APBA1: variants seen among roughly 807,000 people sequenced by gnomAD.
APBA1 encodes the protein amyloid-beta A4 precursor protein-binding family A member 1.
In APBA1, 55 loss-of-function variants were observed where a neutral mutation model predicts 86.6. The ratio of observed to expected loss-of-function variants is 0.64; its 90% CI spans 0.51 to 0.80. APBA1 has a LOEUF of 0.80. Among genes scored for constraint, APBA1 ranks in the 30% least tolerant of loss-of-function variants. The pLI is 0.00. For missense variants in APBA1, 1,090 were observed against 1,183.0 expected, an observed-to-expected ratio of 0.92 and a Z score of 1.15; for synonymous variants, 511 against 493.9, an observed-to-expected ratio of 1.03 and a Z score of -0.46.
At chr9:69,520,118 G>T (rs1391142294) in intron 1 of APBA1, among the ~76,000 whole-genome samples, 1 of 152,172 alleles carries the variant, frequency 6.6e-6, no homozygotes, top group Non-Finnish European at 1.5e-5. Context: ...ATTGCAACAT[G>T]TTAATGAATA....
rs1224226972 is a variant in APBA1 at position 69,471,589 on chromosome 9, T to TATAAGA, written c.1336+66_1336+67insTCTTAT. ...TTCCATTGTCTTATATCTCAGTGCTTCATATGCCCCAATGCTAAAAGATTC... is the reference window on the plus strand; with the variant it reads ...TTCCATTGTCTTATATCTCAGTGCTTATAAGACATATGCCCCAATGCTAAAAGATTC... On this transcript the variant is annotated intron_variant, in intron 4 of 12. Coordinates refer to ENST00000265381, the MANE Select transcript of APBA1 (RefSeq NM_001163.4). The TATAAGA allele has an allele frequency of 5.7e-5, 74 of 1,300,106 alleles. No individual in the cohort carries two copies. The African/African-American group carries it at 1.0e-3, about 18-fold the overall frequency. 80.5% of individuals were successfully genotyped at this position (1,300,106 alleles called of 1,614,324 possible).
At chr9:69,609,215 A>T (rs1388953440) in intron 1 of APBA1, among the ~76,000 whole-genome samples, 1 of 152,226 alleles carries the variant, frequency 6.6e-6, no homozygotes, top group South Asian at 2.1e-4. Context: ...TCAGGATCAA[A>T]ATGGAGTCAC....
At chr9:69,669,087 C>T (rs1005401229) in intron 1 of APBA1, among the ~76,000 whole-genome samples, 8 of 152,190 alleles carry the variant, frequency 5.3e-5, no homozygotes, top group African/African-American at 1.9e-4. Context: ...TCCAACCCTT[C>T]TCAACATTCC....
intron 1 of APBA1, among the ~76,000 whole-genome samples, chr9:69,564,575 A>G (rs780024220): frequency 3.3e-5 from 5 of 152,198 alleles, no homozygotes; most frequent in African/African-American, 7.2e-5. Flanking sequence ...TAACTACCCA[A>G]TACATGCTCA....
At chr9:69,537,092 A>G (rs1043154775) in intron 1 of APBA1, among the ~76,000 whole-genome samples, 1 of 150,872 alleles carries the variant, frequency 6.6e-6, no homozygotes, top group African/African-American at 2.4e-5. Flanking sequence ...GACTTCTCCC[A>G]AATCTTAGTA....
At chr9:69,663,478 C>A (rs765647397) in intron 1 of APBA1, among the ~76,000 whole-genome samples, 1 of 152,174 alleles carries the variant, frequency 6.6e-6, no homozygotes, top group Non-Finnish European at 1.5e-5. Flanking sequence ...CTAAGCTCGT[C>A]CTCTGCTTTT....
Position 69,430,951 on chromosome 9 carries a change from G to A in APBA1, c.*376C>T. The A allele has an allele frequency of 5.4e-6, 1 of 183,738 alleles. No homozygotes were observed. Among genetic ancestry groups the A allele is most frequent in the African/African-American group, 2.3e-5 (1 of 43,030 alleles). The allele number at this position is 183,738 out of a possible 1,614,324, so 11.4% of individuals were successfully genotyped here. On this transcript the variant is annotated 3_prime_UTR_variant, in exon 13 of 13. Transcript: ENST00000265381. The stretch of plus-strand genomic sequence containing the variant: ...GGTTTTAGGCACTGCTGAATCAGCT[G>A]CTTTGCTGCCCCGCGAGCTCCTTTT...
In APBA1 at chr9:69,511,469, T is replaced by C. The variant is rs1296256491; in HGVS notation, c.1200+4542A>G. On this transcript the variant is annotated intron_variant, in intron 2 of 12. Transcript: ENST00000265381. ...GAGAAATAGGAACACTTTTACACTG[T>C]TGGTGGTACTGTAAACTAGTTCAAC... is the stretch of plus-strand genomic sequence containing the variant. Among the ~76,000 whole-genome samples, 19 of 152,220 alleles carry C rather than the reference T, an allele frequency of 1.2e-4. No homozygotes were observed. In the South Asian group the frequency reaches 3.9e-3, roughly 32 times the overall value.
At chr9:69,628,383 G>A (rs1336600941) in intron 1 of APBA1, among the ~76,000 whole-genome samples, 2 of 152,160 alleles carry the variant, frequency 1.3e-5, no homozygotes, top group African/African-American at 4.8e-5. Flanking sequence ...TAAATTTGTG[G>A]TGATGTGTTA....
rs5898082 is a variant in APBA1 at position 69,468,870 on chromosome 9, C to CTT, written c.1337-904_1337-903dup. 6.0e-3 allele frequency among the ~76,000 whole-genome samples: 883 copies of CTT among 147,242 alleles called. 14 individuals carry two copies. The highest frequency in any genetic ancestry group is 0.025 in the East Asian group (126 of 5,034). On this transcript the variant is annotated intron_variant, in intron 4 of 12. Coordinates refer to ENST00000265381, the MANE Select transcript of APBA1 (RefSeq NM_001163.4). Reference sequence around the variant, plus strand: ...GAAACATACGTATTTTATTTTCTTTCTTTTTTTTTTTTGAGACAGGGTCTC... The same window carrying CTT: ...GAAACATACGTATTTTATTTTCTTTCTTTTTTTTTTTTTTGAGACAGGGTCTC...
chr9:69,636,922 G>GGAAGGAAAGAAAGAAAGAAA (rs1331913719), intron 1 of APBA1, among the ~76,000 whole-genome samples: 4 of 63,970 alleles, frequency 6.3e-5, no homozygotes, highest in African/African-American at 2.0e-4. Flanking sequence ...AAGGAAGGAA[G>GGAAGGAAAGAAAGAAAGAAA]GAAAGAAAGA....
intron 1 of APBA1, among the ~76,000 whole-genome samples, chr9:69,652,663 A>G (rs1343927495): frequency 6.6e-6 from 1 of 152,192 alleles, no homozygotes; most frequent in Non-Finnish European, 1.5e-5. Context: ...AAATTTTCCA[A>G]TTAAAAGACA....
intron 1 of APBA1, among the ~76,000 whole-genome samples, chr9:69,635,237 A>G (rs1214715485): frequency 6.6e-6 from 1 of 152,196 alleles, no homozygotes; most frequent in Admixed American, 6.5e-5. Context: ...TAAAGCATAC[A>G]GTTGTTATTA....
intron 2 of APBA1, among the ~76,000 whole-genome samples, chr9:69,500,771 A>G (rs1040349550): frequency 3.9e-5 from 6 of 152,064 alleles, no homozygotes; most frequent in Non-Finnish European, 1.5e-5. Flanking sequence ...GGGCCTTGAA[A>G]TCTATGTTTA....
chr9:69,449,907 G>T, intron 9 of APBA1, 111 bp from the exon 10 acceptor site: 1 of 897,662 alleles, frequency 1.1e-6, no homozygotes, highest in Non-Finnish European at 1.7e-6. Context: ...ACTTCCCTGG[G>T]GACACCAACC....
At chr9:69,462,604 C>G (rs1261895770) in intron 5 of APBA1, 1 of 152,208 alleles carries the variant, frequency 6.6e-6, no homozygotes, top group African/African-American at 2.4e-5. Flanking sequence ...TAGTGCAGGA[C>G]TTCTCAGAGC....
intron 1 of APBA1, among the ~76,000 whole-genome samples, chr9:69,589,183 T>A (rs1397289168): frequency 6.6e-6 from 1 of 152,188 alleles, no homozygotes; most frequent in Non-Finnish European, 1.5e-5. Flanking sequence ...CTCAAACTCC[T>A]GGGCTCAAGC....
At chr9:69,580,692 C>T (rs1013679089) in intron 1 of APBA1, among the ~76,000 whole-genome samples, 5 of 152,258 alleles carry the variant, frequency 3.3e-5, no homozygotes, top group Non-Finnish European at 7.4e-5. Flanking sequence ...CTTTGAAAAA[C>T]CAAAAGCGTG....
At chr9:69,560,225 ATTTCTC>A (rs1836927800) in intron 1 of APBA1, among the ~76,000 whole-genome samples, 1 of 151,954 alleles carries the variant, frequency 6.6e-6, no homozygotes, top group Admixed American at 6.6e-5. Flanking sequence ...TACTTTGGTG[ATTTCTC>A]TTTCTTTCTT....
Sources: allele counts gnomAD v4.1 joint callset (sites outside exome capture counted in the v4.1 genomes callset), GRCh38; gene constraint gnomAD v4.1.1; transcripts MANE v1.5; gene names NCBI Gene and HGNC (gene_info 2026-07-23, HGNC 2026-07-21).